Variants in ANGPTL6 observed in about 807,000 individuals in gnomAD.
ANGPTL6 encodes angiopoietin like 6, also known as angiopoietin-related protein 6.
In ANGPTL6, 45 loss-of-function variants were observed where a neutral mutation model predicts 47.4. The ratio of observed to expected loss-of-function variants is 0.95; its 90% CI spans 0.75 to 1.22. The LOEUF (loss-of-function observed/expected upper bound fraction) is 1.22, where lower values mean the gene tolerates loss of function less well. ANGPTL6 is among the 50% of genes most tolerant of loss of function. The pLI, the probability that ANGPTL6 is intolerant of heterozygous loss-of-function variation, is 0.00. For missense variants in ANGPTL6, 698 were observed against 669.4 expected (o/e 1.04, Z -0.47); for synonymous variants, 290 against 295.9 (o/e 0.98, Z 0.20).
Position 10,094,924 on chromosome 19 carries a change from G to A in ANGPTL6, c.597C>T (p.Pro199=), listed in dbSNP as rs1269917563. The A allele has an allele frequency of 2.5e-6, 4 of 1,609,930 alleles. No homozygotes were observed. The African/African-American group carries it at 4.0e-5, about 16-fold the overall frequency. Residue 199 remains proline (P), a synonymous_variant, in exon 3 of 6, where the codon CCC becomes CCT. Transcript: ENST00000253109. ...AGGQQQVLPP[P]PLVPVVPVRL... is the part of the protein sequence containing the mutation. ...GGACCGGAACCACAGGCACCAGTGG[G>A]GGTGGCGGCAGGACCTGGGGTGACG...
intron 5 of ANGPTL6, 61 bp downstream of exon 5, chr19:10,093,288 C>T: frequency 1.3e-6 from 2 of 1,560,748 alleles, no homozygotes; most frequent in Non-Finnish European, 1.7e-6. Context: ...CCTTTCATTC[C>T]CTCACCAGAA....
At chr19:10,104,328 GT>G (rs2088764881), upstream of ANGPTL6, among the ~76,000 whole-genome samples, 1 of 151,468 alleles carries the variant, frequency 6.6e-6, no homozygotes, top group Non-Finnish European at 1.5e-5. Context: ...GTGTGTGTGT[GT>G]GTGTGTGTGT....
upstream of ANGPTL6, among the ~76,000 whole-genome samples, chr19:10,104,317 G>GTGT (rs60395358): frequency 0.11 from 12,727 of 117,912 alleles, 654 homozygotes; most frequent in South Asian, 0.13. Context: ...TTGTGTGTGT[G>GTGT]GTGTGTGTGT....
At position 10,096,193 on chromosome 19, in the gene ANGPTL6, G is replaced by A. The variant is rs1383217858; in HGVS notation, c.371C>T (p.Pro124Leu). Residue 124 changes from proline to leucine, a missense_variant, in exon 2 of 6, where the codon CCG (proline) becomes CTG (leucine). Physicochemically the swap from Pro to Leu is moderately conservative, Grantham distance 98. Coordinates refer to ENST00000253109, the MANE Select transcript of ANGPTL6 (RefSeq NM_031917.3). ...LQHEAGPGAG[P>L]GADLGAEPAA... ...AGGCTCCGCCCCCAGATCCGCCCCC[G>A]GGCCCGCCCCGGGCCCCGCCTCGTG... 4 of 1,240,266 alleles carry A rather than the reference G, an allele frequency of 3.2e-6. No individual in the cohort carries two copies. The highest frequency in any genetic ancestry group is 3.1e-5 in the African/African-American group (2 of 63,724). 76.8% of individuals were successfully genotyped at this position (1,240,266 alleles called of 1,614,324 possible).
chr19:10,095,070 A>C, intron 2 of ANGPTL6, 132 bp from the exon 3 acceptor site: 2 of 966,942 alleles, frequency 2.1e-6, no homozygotes, highest in Non-Finnish European at 3.0e-6. Flanking sequence ...GGGGTGTCCC[A>C]GCCCTAGGAA....
intron 1 of ANGPTL6, among the ~76,000 whole-genome samples, chr19:10,098,967 C>A (rs2088611884): frequency 6.6e-6 from 1 of 152,138 alleles, no homozygotes; most frequent in Non-Finnish European, 1.5e-5. Context: ...CAGATCCAAC[C>A]CATCTCAGCA....
Position 10,092,726 on chromosome 19 carries a change from A to T in ANGPTL6, c.1276T>A (p.Ser426Thr). 1 of 1,613,558 alleles carries T rather than the reference A, an allele frequency of 6.2e-7. No homozygotes were observed. ...GGWWYHACAH[S>T]NLNGVWHHGG... The stretch of plus-strand genomic sequence containing the variant: ...TGGTGCCACACACCGTTGAGGTTGG[A>T]GTGGGCACAGGCATGGTACCACCAG... Residue 426 changes from serine (S) to threonine (T), a missense_variant, in exon 6 of 6, where the codon TCC becomes ACC. Ser to Thr is a moderately conservative substitution (Grantham distance 58). Transcript: ENST00000253109.
chr19:10,105,384 A>T (rs984081825), upstream of ANGPTL6, among the ~76,000 whole-genome samples: 1 of 151,900 alleles, frequency 6.6e-6, no homozygotes, highest in Non-Finnish European at 1.5e-5. Context: ...GATGGGAGAG[A>T]CATAGGGAGA....
chr19:10,093,535 G>T lies in ANGPTL6; in HGVS notation c.1036C>A (p.Leu346Met). 6.2e-7 allele frequency: 1 copy of T among 1,614,156 alleles called. No homozygotes were observed. The highest frequency in any genetic ancestry group is 8.5e-7 in the Non-Finnish European group (1 of 1,180,022). Residue 346 changes from leucine to methionine, a missense_variant, in exon 5 of 6, where the codon CTG (leucine) becomes ATG (methionine). Leu to Met is a conservative substitution (Grantham distance 15). Coordinates refer to ENST00000253109, the MANE Select transcript of ANGPTL6 (RefSeq NM_031917.3). Reference protein sequence around the residue: ...QLTSRGDHELLVLLEDWGGRG... With the variant: ...QLTSRGDHELMVLLEDWGGRG... ...CCCCCCCAGTCCTCCAGGAGAACCA[G>T]CAGCTCATGGTCCCCACGGCTGGTC...
upstream of ANGPTL6, chr19:10,102,903 GC>G: frequency 1.9e-6 from 1 of 524,826 alleles, no homozygotes; most frequent in Non-Finnish European, 2.4e-6. Flanking sequence ...CCACTGCAGA[GC>G]CCAGAGCGTG....
upstream of ANGPTL6, chr19:10,102,902 A>G: frequency 1.9e-6 from 1 of 529,272 alleles, no homozygotes; most frequent in Non-Finnish European, 2.4e-6. Flanking sequence ...TCCACTGCAG[A>G]GCCCAGAGCG....
chr19:10,102,895 A>C, upstream of ANGPTL6: 1 of 558,308 alleles, frequency 1.8e-6, no homozygotes, highest in Non-Finnish European at 2.3e-6. Context: ...CACACCCTCC[A>C]CTGCAGAGCC....
chr19:10,099,845 TTCTCTCTTTC>T (rs1383733052), intron 1 of ANGPTL6, among the ~76,000 whole-genome samples: 16 of 89,488 alleles, frequency 1.8e-4, no homozygotes, highest in East Asian at 1.2e-3. Flanking sequence ...CTCTCTCTCT[TTCTCTCTTTC>T]TCTCTCTCTC....
At chr19:10,103,947 G>T (rs1599297658), upstream of ANGPTL6, among the ~76,000 whole-genome samples, 1 of 151,808 alleles carries the variant, frequency 6.6e-6, no homozygotes, top group East Asian at 1.9e-4. Flanking sequence ...ACAAAAATTT[G>T]CCGGGTGTGG....
rs2088543547 is a variant in ANGPTL6, at chr19:10,096,412, C to T, written c.152G>A (p.Arg51Gln). 3.0e-6 allele frequency: 4 copies of T among 1,322,684 alleles called. No homozygotes were observed. Among genetic ancestry groups the T allele is most frequent in the Middle Eastern group, 2.7e-4 (1 of 3,760 alleles). The allele number at this position is 1,322,684 out of a possible 1,614,324, so 81.9% of individuals were successfully genotyped here. The change falls in exon 2 of 6, where the codon CGG (arginine) becomes CAG (glutamine). Residue 51 changes from arginine to glutamine, a missense_variant. Transcript: ENST00000253109. Reference sequence around the variant, plus strand: ...GGCGTTGGCGGCCTCGGGCGTCGCCCGCGTGGATGCGGGGCCGCTCCAGCA... The same window carrying T: ...GGCGTTGGCGGCCTCGGGCGTCGCCTGCGTGGATGCGGGGCCGCTCCAGCA... ...AVCWSGPAST[R>Q]ATPEAANASE...
At chr19:10,104,169 T>C (rs757286544), upstream of ANGPTL6, among the ~76,000 whole-genome samples, 33 of 151,934 alleles carry the variant, frequency 2.2e-4, 1 homozygote, top group Non-Finnish European at 3.4e-4. Context: ...CAAGTCAGTA[T>C]AATAGAGAAG....
intron 3 of ANGPTL6, among the ~76,000 whole-genome samples, chr19:10,094,291 C>T (rs1481995893): frequency 5.3e-5 from 8 of 152,072 alleles, no homozygotes; most frequent in Non-Finnish European, 5.9e-5. Flanking sequence ...GGACTACAGG[C>T]GCCCGCCACC....
upstream of ANGPTL6, among the ~76,000 whole-genome samples, chr19:10,103,106 A>G (rs532160348): frequency 6.6e-6 from 1 of 152,050 alleles, no homozygotes; most frequent in Admixed American, 6.6e-5. Context: ...ACAGCAGGGA[A>G]AACTGAGGCT....
chr19:10,104,649 G>A (rs1202301623), upstream of ANGPTL6, among the ~76,000 whole-genome samples: 1 of 151,866 alleles, frequency 6.6e-6, no homozygotes, highest in Admixed American at 6.6e-5. Flanking sequence ...CATAAATAAA[G>A]GATATCTCAT....
Sources: gnomAD v4.1 joint callset for allele counts (sites outside exome capture counted in the v4.1 genomes callset) on GRCh38, gnomAD v4.1.1 for gene constraint, MANE v1.5 for transcripts, NCBI Gene and HGNC (gene_info 2026-07-23, HGNC 2026-07-21) for gene names.